CENPN: variants seen among roughly 807,000 people sequenced by gnomAD.
CENPN encodes the protein centromere protein N, also known as interphase centromere complex protein 32.
Under a neutral mutation model 48.6 loss-of-function variants are expected in CENPN, and 36 were observed. The observed-to-expected ratio is 0.74, with a 90% CI of 0.57 to 0.98. The LOEUF (loss-of-function observed/expected upper bound fraction) is 0.98. Ranked by LOEUF, CENPN falls within the 50% of genes least tolerant of loss-of-function variation. The pLI is 0.00. For missense variants in CENPN, 439 were observed against 399.2 expected (o/e 1.10, Z -0.85); for synonymous variants, 166 against 135.2 (o/e 1.23, Z -1.58).
chr16:81,014,772 GT>G (rs893951703), intron 3 of CENPN, among the ~76,000 whole-genome samples: 67 of 152,310 alleles, frequency 4.4e-4, no homozygotes, highest in African/African-American at 1.5e-3. Flanking sequence ...GTTTGGCTTT[GT>G]ATTACTCAGG....
rs1397939596 is a variant in CENPN at position 81,029,281 on chromosome 16, T to C, written c.*630T>C. ...TATAACATTCAAACTGACAAATATA[T>C]TGACTTATGAATAAAGGTGTCAAAA... is the stretch of plus-strand genomic sequence containing the variant. On this transcript the variant is annotated 3_prime_UTR_variant, in exon 11 of 11. Transcript: ENST00000305850. 4.4e-6 allele frequency: 4 copies of C among 913,848 alleles called. No individual in the cohort carries two copies. In the South Asian group the frequency reaches 1.5e-4, roughly 35 times the overall value. The allele number at this position is 913,848 out of a possible 1,614,324, so 56.6% of individuals were successfully genotyped here. A position where few individuals can be genotyped will look rare whatever the true frequency, so the allele number is the denominator to read the frequency against.
chr16:81,024,756 A>C lies in CENPN; in HGVS notation c.675A>C (p.Arg225Ser). 1 of 1,610,478 alleles carries C rather than the reference A, an allele frequency of 6.2e-7. No individual in the cohort carries two copies. Among genetic ancestry groups the C allele is most frequent in the South Asian group, 1.1e-5 (1 of 90,528 alleles). ...ACTCTACGACACCTCTACAGGAAAG[A>C]AGCCTTGGACTAGATATAAATAGTA... ...THNSTTPLQE[R>S]SLGLDINMDS... The change falls in exon 8 of 11, where the codon AGA (arginine) becomes AGC (serine). Residue 225 changes from arginine (R) to serine (S), a missense_variant. Coordinates refer to ENST00000305850, the MANE Select transcript of CENPN (RefSeq NM_001100624.3).
In CENPN at chr16:81,012,084, GTTCAGCACT is replaced by G; in HGVS notation, c.147_155del (p.Gln50_Leu52del). On this transcript the variant is annotated inframe_deletion, in exon 2 of 11. Transcript: ENST00000305850. The stretch of plus-strand genomic sequence containing the variant: ...TTTCCGACAGAGAAAGGAATCTGTA[GTTCAGCACT>G]TGATCCATCTGTGTGAGGTAACAGT... 1 of 1,614,122 alleles carries G rather than the reference GTTCAGCACT, an allele frequency of 6.2e-7. No individual in the cohort carries two copies. The highest frequency in any genetic ancestry group is 8.5e-7 in the Non-Finnish European group (1 of 1,180,016).
At chr16:81,023,451 G>C (rs1474497003) in intron 7 of CENPN, 1 of 152,760 alleles carries the variant, frequency 6.5e-6, no homozygotes, top group Non-Finnish European at 1.5e-5. Flanking sequence ...AGCACTTTAG[G>C]AGGCCAAGGT....
At chr16:81,023,517 C>T (rs899274568) in intron 7 of CENPN, 2 of 152,052 alleles carry the variant, frequency 1.3e-5, no homozygotes, top group Non-Finnish European at 2.9e-5. Context: ...ATAGGGAGAC[C>T]ACATCTCTAC....
At chr16:81,023,264 G>T in intron 7 of CENPN, 1 of 216,740 alleles carries the variant, frequency 4.6e-6, no homozygotes, top group South Asian at 6.9e-5. Context: ...CCTGTGAGTG[G>T]ATTGTTAATG....
At position 81,028,379 on chromosome 16, in the gene CENPN, G is replaced by T. The variant is rs1267013211; in HGVS notation, c.937+82G>T. The T allele has an allele frequency of 5.2e-6, 8 of 1,546,816 alleles. No homozygotes were observed. The African/African-American group carries it at 9.5e-5, about 18-fold the overall frequency. ...TCCTTATAATCTGCTAATTACTTCTGAGCTCACCCATCACCCTAGTCTGCT... is the reference window on the plus strand; with the variant it reads ...TCCTTATAATCTGCTAATTACTTCTTAGCTCACCCATCACCCTAGTCTGCT... On this transcript the variant is annotated intron_variant, in intron 10 of 10. Coordinates refer to ENST00000305850, the MANE Select transcript of CENPN (RefSeq NM_001100624.3).
At chr16:81,008,716 C>T (rs1969611181) in intron 1 of CENPN, among the ~76,000 whole-genome samples, 1 of 152,194 alleles carries the variant, frequency 6.6e-6, no homozygotes, top group South Asian at 2.1e-4. Context: ...CCCAGGTTGT[C>T]TCCTCAGGCA....
At position 81,029,128 on chromosome 16, in the gene CENPN, C is replaced by T. The variant is rs934654946; in HGVS notation, c.*477C>T. On this transcript the variant is annotated 3_prime_UTR_variant, in exon 11 of 11. Transcript: ENST00000305850. ...TTTTTAGGAGAATCATGAAATTGGT[C>T]TATTCAAAGGATGGAGTTGAGTCCA... The T allele has an allele frequency of 2.0e-5, 20 of 985,594 alleles. No homozygotes were observed. The highest frequency in any genetic ancestry group is 2.4e-5 in the Non-Finnish European group (20 of 830,118). The allele number at this position is 985,594 out of a possible 1,614,324, so 61.1% of individuals were successfully genotyped here. A position where few individuals can be genotyped will look rare whatever the true frequency, so the allele number is the denominator to read the frequency against.
chr16:81,022,486 C>T, intron 6 of CENPN, 111 bp from the exon 7 acceptor site: 1 of 891,230 alleles, frequency 1.1e-6, no homozygotes, highest in South Asian at 1.7e-5. Context: ...CTTCTTTTTA[C>T]ACTTACGGGG....
At chr16:81,012,283 A>G (rs1969773153) in intron 2 of CENPN, among the ~76,000 whole-genome samples, 173 bp downstream of exon 2, 1 of 152,254 alleles carries the variant, frequency 6.6e-6, no homozygotes, top group Non-Finnish European at 1.5e-5. Flanking sequence ...TGACCTTTTC[A>G]TCTTAAAAGA....
chr16:81,009,607 C>T (rs1947897472), intron 1 of CENPN, among the ~76,000 whole-genome samples: 1 of 152,196 alleles, frequency 6.6e-6, no homozygotes, highest in African/African-American at 2.4e-5. Context: ...TAAATGACTC[C>T]TAATCCTTCC....
chr16:81,011,933 C>T lies in CENPN; in HGVS notation c.-7C>T, dbSNP rs1350824854. On this transcript the variant is annotated 5_prime_UTR_variant, in exon 2 of 11. Transcript: ENST00000305850. ...TGCTGTTTTTGTTTTGTAAAAGTGC[C>T]AAAGAGATGGATGAGACTGTTGCTG... The T allele has an allele frequency of 6.2e-6, 10 of 1,611,028 alleles. No homozygotes were observed. The highest frequency in any genetic ancestry group is 8.5e-6 in the Non-Finnish European group (10 of 1,178,168).
chr16:81,023,086 C>T, intron 7 of CENPN: 1 of 416,592 alleles, frequency 2.4e-6, no homozygotes, highest in Non-Finnish European at 4.3e-6. Context: ...GTTATACAGG[C>T]ACTGGAATTA....
chr16:81,017,389 A>G lies in CENPN; in HGVS notation c.277+4A>G. 1 of 1,564,124 alleles carries G rather than the reference A, an allele frequency of 6.4e-7. No homozygotes were observed. Among genetic ancestry groups the G allele is most frequent in the Non-Finnish European group, 8.8e-7 (1 of 1,135,842 alleles). On this transcript the variant is annotated splice_donor_region_variant and intron_variant, in intron 4 of 10. Coordinates refer to ENST00000305850, the MANE Select transcript of CENPN (RefSeq NM_001100624.3). Reference sequence around the variant, plus strand: ...TTTCAGATGAGTAAAGGACCAGGTAATATTTTCTGTTTACAATTGAATATT... The same window carrying G: ...TTTCAGATGAGTAAAGGACCAGGTAGTATTTTCTGTTTACAATTGAATATT...
In CENPN at chr16:81,028,157, A is replaced by G; in HGVS notation, c.811-14A>G. 4 of 1,581,050 alleles carry G rather than the reference A, an allele frequency of 2.5e-6. No individual in the cohort carries two copies. Among genetic ancestry groups the G allele is most frequent in the Non-Finnish European group, 3.5e-6 (4 of 1,150,114 alleles). On this transcript the variant is annotated splice_polypyrimidine_tract_variant and intron_variant, in intron 9 of 10. Coordinates refer to ENST00000305850, the MANE Select transcript of CENPN (RefSeq NM_001100624.3). Reference sequence around the variant, plus strand: ...CAATATGTTTAATAGTCATTTATAAATGTTTGTTGACAGCTTGAAACGAAA... The same window carrying G: ...CAATATGTTTAATAGTCATTTATAAGTGTTTGTTGACAGCTTGAAACGAAA...
intron 3 of CENPN, among the ~76,000 whole-genome samples, chr16:81,015,194 T>C (rs765248793): frequency 6.6e-6 from 1 of 152,258 alleles, no homozygotes; most frequent in Non-Finnish European, 1.5e-5. Flanking sequence ...TTCCATTTCA[T>C]TGATTTTTGT....
chr16:81,015,624 G>C (rs994005515), intron 3 of CENPN, among the ~76,000 whole-genome samples: 2 of 152,220 alleles, frequency 1.3e-5, no homozygotes, highest in African/African-American at 4.8e-5. Flanking sequence ...CTCTGATTTA[G>C]TTTGTCTCAT....
At chr16:81,008,252 C>T (rs1165837070) in intron 1 of CENPN, among the ~76,000 whole-genome samples, 1 of 152,196 alleles carries the variant, frequency 6.6e-6, no homozygotes, top group Non-Finnish European at 1.5e-5. Flanking sequence ...AATAAATCAT[C>T]TGACGTACTT....
Sources: gnomAD v4.1 joint callset for allele counts (sites outside exome capture counted in the v4.1 genomes callset) on GRCh38, gnomAD v4.1.1 for gene constraint, MANE v1.5 for transcripts, NCBI Gene and HGNC (gene_info 2026-07-23, HGNC 2026-07-21) for gene names.